TOP3A: variants seen among roughly 807,000 people sequenced by gnomAD.
TOP3A encodes DNA topoisomerase 3-alpha.
A neutral mutation model predicts 111.3 loss-of-function variants in TOP3A; 64 were observed. The observed-to-expected ratio is 0.57, with a 90% CI of 0.47 to 0.71. TOP3A has a LOEUF of 0.71. Among genes scored for constraint, TOP3A ranks in the 30% least tolerant of loss-of-function variants. The pLI is 0.00. For missense variants in TOP3A, 1,104 were observed against 1,285.0 expected (o/e 0.86, Z 2.15); for synonymous variants, 484 against 485.1 (o/e 1.00, Z 0.03).
chr17:18,285,645 T>C, intron 13 of TOP3A, 125 bp from the exon 14 acceptor site: 2 of 679,776 alleles, frequency 2.9e-6, no homozygotes, highest in Admixed American at 2.6e-5. Flanking sequence ...GTAAGATGCC[T>C]TCATTTCATT....
intron 13 of TOP3A, among the ~76,000 whole-genome samples, chr17:18,286,338 C>T (rs1421267724): frequency 1.7e-5 from 2 of 119,534 alleles, no homozygotes; most frequent in Non-Finnish European, 3.4e-5. Flanking sequence ...CCCGTCTCTA[C>T]TAAAAATACA....
Position 18,314,881 on chromosome 17 carries a change from G to A in TOP3A, c.-103C>T, listed in dbSNP as rs1982162757. On this transcript the variant is annotated 5_prime_UTR_variant, in exon 1 of 19. Transcript: ENST00000321105. ...CCCACCGAAAGGGAACCAGAGCCTC[G>A]CTTCGGTCACGTCCCCACCAGCCTG... The A allele has an allele frequency of 1.0e-5, 7 of 674,000 alleles. No individual in the cohort carries two copies. Among genetic ancestry groups the A allele is most frequent in the African/African-American group, 1.9e-5 (1 of 51,662 alleles). 41.8% of individuals were successfully genotyped at this position (674,000 alleles called of 1,614,324 possible).
chr17:18,274,624 G>T lies in TOP3A; in HGVS notation c.*178C>A. 1 of 1,069,070 alleles carries T rather than the reference G, an allele frequency of 9.4e-7. No individual in the cohort carries two copies. Among genetic ancestry groups the T allele is most frequent in the Non-Finnish European group, 1.3e-6 (1 of 775,050 alleles). 66.2% of individuals were successfully genotyped at this position (1,069,070 alleles called of 1,614,324 possible). A position where few individuals can be genotyped will look rare whatever the true frequency, so the allele number is the denominator to read the frequency against. ...AGAGGGTCACTGTCCAGCAGAGCTG[G>T]CCTGCTCCAGAGTGATCTGGACCTT... On this transcript the variant is annotated 3_prime_UTR_variant, in exon 19 of 19. Transcript: ENST00000321105.
intron 1 of TOP3A, 30 bp downstream of exon 1, chr17:18,314,569 C>T: frequency 1.3e-6 from 2 of 1,588,612 alleles, no homozygotes; most frequent in Non-Finnish European, 1.7e-6. Flanking sequence ...TCCCTTAAGG[C>T]ACGCAGCTGA....
chr17:18,293,859 T>G (rs1002756138), intron 10 of TOP3A, among the ~76,000 whole-genome samples: 2 of 152,236 alleles, frequency 1.3e-5, no homozygotes, highest in Admixed American at 1.3e-4. Flanking sequence ...CCTCCCAAAG[T>G]GCTAGGATTA....
In TOP3A at chr17:18,307,998, G is replaced by A. The variant is rs540730248; in HGVS notation, c.314+353C>T. ...AGGCTGAGGTGGGCAGACCACCTGA[G>A]GTCAGGAGTTCGAGACCAGCCTGGT... On this transcript the variant is annotated intron_variant, in intron 3 of 18. Transcript: ENST00000321105. Among the ~76,000 whole-genome samples, 224 of 150,652 alleles carry A rather than the reference G, an allele frequency of 1.5e-3. 1 individual carries two copies. Among genetic ancestry groups the A allele is most frequent in the Middle Eastern group, 7.0e-3 (2 of 286 alleles).
chr17:18,311,943 T>A lies in TOP3A; in HGVS notation c.180+2656A>T, dbSNP rs926142517. ...GATGGCCAAGGGGAAGAAGTGGCCC[T>A]GGCCCCTGTTGTCATGGAGCAGCAG... On this transcript the variant is annotated intron_variant, in intron 1 of 18. Coordinates refer to ENST00000321105, the MANE Select transcript of TOP3A (RefSeq NM_004618.5). The A allele has an allele frequency of 2.0e-5, 3 of 152,356 alleles. No individual in the cohort carries two copies. In the South Asian group the frequency reaches 6.2e-4, roughly 32 times the overall value. The allele number at this position is 152,356 out of a possible 1,614,324, so 9.4% of individuals were successfully genotyped here. A position where few individuals can be genotyped will look rare whatever the true frequency, so the allele number is the denominator to read the frequency against.
intron 9 of TOP3A, among the ~76,000 whole-genome samples, chr17:18,297,552 G>T (rs368383175): frequency 4.6e-5 from 7 of 152,186 alleles, no homozygotes; most frequent in African/African-American, 1.7e-4. Flanking sequence ...CCTGCGGACT[G>T]CCTGCGATTG....
At chr17:18,299,430 A>G (rs1380373545) in intron 9 of TOP3A, 129 bp downstream of exon 9, 12 of 812,400 alleles carry the variant, frequency 1.5e-5, no homozygotes, top group Non-Finnish European at 2.6e-5. Context: ...GTCTTTCTCC[A>G]GTGTTTTCTT....
In TOP3A at chr17:18,304,641, GTACTT is replaced by G. The variant is rs1238888868; in HGVS notation, c.499+466_499+470del. On this transcript the variant is annotated intron_variant, in intron 5 of 18. Coordinates refer to ENST00000321105, the MANE Select transcript of TOP3A (RefSeq NM_004618.5). The stretch of plus-strand genomic sequence containing the variant: ...ACAGAACATTTTATAATTATTTTTT[GTACTT>G]TACTTGTGGTATATTCATTCTTTTA... Among the ~76,000 whole-genome samples the G allele has an allele frequency of 4.6e-5, 7 of 152,132 alleles. No individual in the cohort carries two copies. The South Asian group carries it at 8.3e-4, about 18-fold the overall frequency.
At chr17:18,293,332 C>A (rs1281508469) in intron 10 of TOP3A, among the ~76,000 whole-genome samples, 2 of 152,230 alleles carry the variant, frequency 1.3e-5, no homozygotes, top group African/African-American at 4.8e-5. Context: ...GGCACCCAGG[C>A]TGGAGTGTAG....
Position 18,309,926 on chromosome 17 carries a change from G to A in TOP3A, c.181-985C>T, listed in dbSNP as rs548943416. 2.8e-4 allele frequency among the ~76,000 whole-genome samples: 43 copies of A among 151,090 alleles called. No individual in the cohort carries two copies. In the South Asian group the frequency reaches 8.2e-3, roughly 29 times the overall value. On this transcript the variant is annotated intron_variant, in intron 1 of 18. Transcript: ENST00000321105. ...GGGGTTTCACCGTGTTAGCCAGAAT[G>A]TTCTCAATCTCCTGACCTCGTGATC... is the stretch of plus-strand genomic sequence containing the variant.
At chr17:18,289,751 C>T (rs1008367923) in intron 13 of TOP3A, among the ~76,000 whole-genome samples, 1 of 152,188 alleles carries the variant, frequency 6.6e-6, no homozygotes, top group Non-Finnish European at 1.5e-5. Context: ...TTTACCTAAA[C>T]CTGCAGGGTT....
In TOP3A at chr17:18,280,663, G is replaced by A. The variant is rs1979702719; in HGVS notation, c.2022-5C>T. On this transcript the variant is annotated splice_polypyrimidine_tract_variant and splice_region_variant and intron_variant, in intron 16 of 18. Coordinates refer to ENST00000321105, the MANE Select transcript of TOP3A (RefSeq NM_004618.5). ...CCCATGCAGCTGAGGTAGAACCTGGGGACAAAGTGCCATGTCAGATGATAG... is the reference window on the plus strand; with the variant it reads ...CCCATGCAGCTGAGGTAGAACCTGGAGACAAAGTGCCATGTCAGATGATAG... The A allele has an allele frequency of 6.2e-7, 1 of 1,613,892 alleles. No individual in the cohort carries two copies. Among genetic ancestry groups the A allele is most frequent in the Non-Finnish European group, 8.5e-7 (1 of 1,179,838 alleles).
intron 6 of TOP3A, 72 bp from the exon 7 acceptor site, chr17:18,302,506 C>A: frequency 6.3e-7 from 1 of 1,595,036 alleles, no homozygotes; most frequent in Non-Finnish European, 8.6e-7. Context: ...CTGCACATAT[C>A]GACACAGAGC....
intron 17 of TOP3A, 44 bp downstream of exon 17, chr17:18,280,492 G>A: frequency 6.2e-7 from 1 of 1,600,840 alleles, no homozygotes; most frequent in East Asian, 2.2e-5. Flanking sequence ...GAAAGATGGT[G>A]TACACACTCC....
intron 1 of TOP3A, among the ~76,000 whole-genome samples, chr17:18,309,834 C>T (rs939502556): frequency 6.7e-5 from 10 of 149,938 alleles, no homozygotes; most frequent in Non-Finnish European, 1.3e-4. Flanking sequence ...CTCAGCCTCC[C>T]GAGTAGCTGG....
chr17:18,304,744 TAACAAC>T (rs200516029), intron 5 of TOP3A, among the ~76,000 whole-genome samples: 1 of 152,090 alleles, frequency 6.6e-6, no homozygotes, highest in Admixed American at 6.6e-5. Flanking sequence ...ATTCAATATA[TAACAAC>T]AACAACAACA....
At position 18,274,760 on chromosome 17, in the gene TOP3A, GGACAGGT is replaced by G; in HGVS notation, c.*35_*41del. 6.3e-7 allele frequency: 1 copy of G among 1,584,986 alleles called. No individual in the cohort carries two copies. Among genetic ancestry groups the G allele is most frequent in the Non-Finnish European group, 8.6e-7 (1 of 1,163,194 alleles). On this transcript the variant is annotated 3_prime_UTR_variant, in exon 19 of 19. Coordinates refer to ENST00000321105, the MANE Select transcript of TOP3A (RefSeq NM_004618.5). ...GTTAACTCATTTCTAAACACAAAGGGGACAGGTCTGAGAAAGTGGCGTTCTCTACCCT... is the reference window on the plus strand; with the variant it reads ...GTTAACTCATTTCTAAACACAAAGGGCTGAGAAAGTGGCGTTCTCTACCCT...
Sources: gnomAD v4.1 joint callset for allele counts (sites outside exome capture counted in the v4.1 genomes callset) on GRCh38, gnomAD v4.1.1 for gene constraint, MANE v1.5 for transcripts, NCBI Gene and HGNC (gene_info 2026-07-23, HGNC 2026-07-21) for gene names.